TFEB: variants seen among roughly 807,000 people sequenced by gnomAD.
TFEB encodes the protein transcription factor EB, also known as T-cell transcription factor EB.
Under a neutral mutation model 48.0 loss-of-function variants are expected in TFEB, and 12 were observed. The ratio of observed to expected loss-of-function variants is 0.25; its 90% CI spans 0.16 to 0.40. The LOEUF (loss-of-function observed/expected upper bound fraction) is 0.40. TFEB is among the 10% of genes least tolerant of loss of function. The pLI, the probability that TFEB is intolerant of heterozygous loss-of-function variation, is 1.00. For synonymous variants in TFEB, 244 were observed against 261.4 expected, an observed-to-expected ratio of 0.93 and a Z score of 0.64; for missense variants, 509 against 640.3, an observed-to-expected ratio of 0.79 and a Z score of 2.21.
At chr6:41,701,174 C>G (rs1243916534) in intron 1 of TFEB, among the ~76,000 whole-genome samples, 2 of 152,262 alleles carry the variant, frequency 1.3e-5, no homozygotes, top group Admixed American at 1.3e-4. Context: ...TGTGCACACA[C>G]GTGTAGCCGC....
chr6:41,714,908 G>A (rs540005232), intron 1 of TFEB, among the ~76,000 whole-genome samples: 78 of 152,304 alleles, frequency 5.1e-4, no homozygotes, highest in Non-Finnish European at 9.7e-4. Flanking sequence ...AATGTCAGAC[G>A]ACAAGGAGCC....
chr6:41,695,492 G>A (rs1017154100), intron 1 of TFEB, among the ~76,000 whole-genome samples: 1 of 152,198 alleles, frequency 6.6e-6, no homozygotes, highest in Non-Finnish European at 1.5e-5. Context: ...AATGAGCTGA[G>A]TACTAGTATT....
chr6:41,701,633 T>C (rs776992014), intron 1 of TFEB, among the ~76,000 whole-genome samples: 18 of 152,074 alleles, frequency 1.2e-4, no homozygotes, highest in Non-Finnish European at 2.4e-4. Context: ...CACAGCAGGA[T>C]AGGAAACCGA....
At chr6:41,692,975 T>C (rs1160244751) in intron 1 of TFEB, among the ~76,000 whole-genome samples, 1 of 152,206 alleles carries the variant, frequency 6.6e-6, no homozygotes, top group Non-Finnish European at 1.5e-5. Flanking sequence ...TTCTCATTAG[T>C]AAACGGTCTC....
intron 1 of TFEB, among the ~76,000 whole-genome samples, chr6:41,728,107 G>A (rs967274774): frequency 9.2e-5 from 14 of 152,208 alleles, no homozygotes; most frequent in African/African-American, 2.7e-4. Context: ...AGGTATCACC[G>A]CGCTTATGTT....
At chr6:41,698,165 T>C (rs1019360202) in intron 1 of TFEB, among the ~76,000 whole-genome samples, 1 of 152,240 alleles carries the variant, frequency 6.6e-6, no homozygotes, top group Admixed American at 6.5e-5. Context: ...GTACCATTAT[T>C]GTCCCCATTC....
chr6:41,707,062 C>G (rs1000995917), intron 1 of TFEB, among the ~76,000 whole-genome samples: 2 of 152,138 alleles, frequency 1.3e-5, no homozygotes, highest in Non-Finnish European at 2.9e-5. Flanking sequence ...TGCCCAGCCC[C>G]AAGGCTCAGA....
At chr6:41,697,082 T>C (rs1026674064) in intron 1 of TFEB, among the ~76,000 whole-genome samples, 1 of 152,146 alleles carries the variant, frequency 6.6e-6, no homozygotes, top group African/African-American at 2.4e-5. Flanking sequence ...TCTGTATGTG[T>C]GTTGTATTCT....
intron 1 of TFEB, among the ~76,000 whole-genome samples, chr6:41,694,017 G>A (rs978752405): frequency 2.0e-5 from 3 of 151,966 alleles, no homozygotes; most frequent in African/African-American, 7.3e-5. Context: ...CACCCTTGGG[G>A]ACAATCTGAC....
At chr6:41,692,797 T>C (rs1448206521) in intron 1 of TFEB, among the ~76,000 whole-genome samples, 1 of 152,204 alleles carries the variant, frequency 6.6e-6, no homozygotes, top group African/African-American at 2.4e-5. Flanking sequence ...CCCATGAAGG[T>C]CCTGGTAGGG....
chr6:41,691,956 T>C lies in TFEB; in HGVS notation c.-22-721A>G, dbSNP rs1769343227. Among the ~76,000 whole-genome samples, 1 of 152,116 alleles carries C rather than the reference T, an allele frequency of 6.6e-6. No individual in the cohort carries two copies. Among genetic ancestry groups the C allele is most frequent in the Non-Finnish European group, 1.5e-5 (1 of 68,016 alleles). On this transcript the variant is annotated intron_variant, in intron 1 of 8. Coordinates refer to ENST00000373033, the MANE Select transcript of TFEB (RefSeq NM_001271944.2). The surrounding 1 kb of genome is among the most constrained non-coding windows in gnomAD (Gnocchi z 5.2). ...AGGCATGCCCCCACCTCAGGACCTT[T>C]GCACTTGCTGTTCCCTCTGCCTGGA...
intron 1 of TFEB, among the ~76,000 whole-genome samples, chr6:41,706,132 G>A (rs918663631): frequency 2.0e-5 from 3 of 152,212 alleles, no homozygotes; most frequent in African/African-American, 7.2e-5. Context: ...AGGGAGAGGG[G>A]CCTAGCAAGG....
At chr6:41,725,535 A>C (rs1201239137) in intron 1 of TFEB, among the ~76,000 whole-genome samples, 1 of 152,178 alleles carries the variant, frequency 6.6e-6, no homozygotes, top group Non-Finnish European at 1.5e-5. Flanking sequence ...ACTGCCACTT[A>C]GGGGGTCTCC....
chr6:41,701,303 G>A (rs1184577333), intron 1 of TFEB, among the ~76,000 whole-genome samples: 1 of 152,176 alleles, frequency 6.6e-6, no homozygotes, highest in African/African-American at 2.4e-5. Context: ...CGCCTCCTGG[G>A]CACTCCATCT....
At chr6:41,719,553 A>G (rs1278443811) in intron 1 of TFEB, among the ~76,000 whole-genome samples, 1 of 152,194 alleles carries the variant, frequency 6.6e-6, no homozygotes, top group Non-Finnish European at 1.5e-5. Context: ...GTGTCACACA[A>G]CTGAGGAGAC....
At chr6:41,693,847 TC>T (rs1316694699) in intron 1 of TFEB, among the ~76,000 whole-genome samples, 2 of 151,888 alleles carry the variant, frequency 1.3e-5, no homozygotes, top group Non-Finnish European at 2.9e-5. Context: ...CCCACCCCCT[TC>T]CTATGCTGCT....
Position 41,684,131 on chromosome 6 carries a change from G to C in TFEB, c.*468C>G, listed in dbSNP as rs1187382254. The C allele has an allele frequency of 4.3e-6, 1 of 233,648 alleles. No individual in the cohort carries two copies. Among genetic ancestry groups the C allele is most frequent in the Non-Finnish European group, 8.5e-6 (1 of 118,150 alleles). The allele number at this position is 233,648 out of a possible 1,614,324, so 14.5% of individuals were successfully genotyped here. ...AAGTGGGGGGTGCCCACCTGTGGGAGAGCCGAGGACCAGGCTGCGGGGTGG... is the reference window on the plus strand; with the variant it reads ...AAGTGGGGGGTGCCCACCTGTGGGACAGCCGAGGACCAGGCTGCGGGGTGG... On this transcript the variant is annotated 3_prime_UTR_variant, in exon 9 of 9. Coordinates refer to ENST00000373033, the MANE Select transcript of TFEB (RefSeq NM_001271944.2).
At chr6:41,714,225 G>A (rs530656544) in intron 1 of TFEB, among the ~76,000 whole-genome samples, 2 of 152,294 alleles carry the variant, frequency 1.3e-5, no homozygotes, top group East Asian at 3.9e-4. Flanking sequence ...GTGTCTGTGT[G>A]TGTGCGTGTG....
At chr6:41,695,163 C>T (rs1175072073) in intron 1 of TFEB, among the ~76,000 whole-genome samples, 1 of 152,240 alleles carries the variant, frequency 6.6e-6, no homozygotes, top group Non-Finnish European at 1.5e-5. Context: ...TAAAACGCAG[C>T]ACCTGCTAAT....
Sources: gnomAD v4.1 joint callset for allele counts (sites outside exome capture counted in the v4.1 genomes callset) on GRCh38, gnomAD v4.1.1 for gene constraint, Gnocchi (gnomAD v3.1) non-coding constraint, MANE v1.5 for transcripts, NCBI Gene and HGNC (gene_info 2026-07-23, HGNC 2026-07-21) for gene names.